HPCAL4: variants seen among roughly 807,000 people sequenced by gnomAD.
The protein encoded by HPCAL4 is hippocalcin like 4.
HPCAL4 carries 16 observed loss-of-function variants against 18.2 expected under a neutral mutation model. The observed-to-expected ratio is 0.88, with a 90% confidence interval of 0.59 to 1.33. The LOEUF is 1.33. Ranked by LOEUF, HPCAL4 falls within the 40% of genes most tolerant of loss-of-function variation. HPCAL4 has a pLI of 0.00. For synonymous variants in HPCAL4, 80 were observed against 97.5 expected, an observed-to-expected ratio of 0.82 and a Z score of 1.06; for missense variants, 214 against 256.6, an observed-to-expected ratio of 0.83 and a Z score of 1.14.
intron 2 of HPCAL4, 98 bp from the exon 3 acceptor site, chr1:39,684,250 CCCACCCCGGGTGCCTTGCCCCCG>C (rs1646654079): frequency 5.1e-6 from 6 of 1,167,226 alleles, no homozygotes; most frequent in South Asian, 2.8e-5. Flanking sequence ...CTCGCCTCCT[CCCACCCCGGGTGCCTTGCCCCCG>C]CCACCCCGGG....
intron 3 of HPCAL4, among the ~76,000 whole-genome samples, chr1:39,683,729 A>G (rs1311326396): frequency 1.3e-5 from 2 of 152,188 alleles, no homozygotes; most frequent in East Asian, 3.9e-4. Flanking sequence ...CTCCTCTGCC[A>G]AATGGGGTTT....
intron 3 of HPCAL4, 39 bp downstream of exon 3, chr1:39,683,898 G>GCTGGCCT (rs1646648924): frequency 6.4e-7 from 1 of 1,573,156 alleles, no homozygotes; most frequent in Non-Finnish European, 8.7e-7. Flanking sequence ...ATGGCGAAGC[G>GCTGGCCT]CTGGCCTCGG....
At chr1:39,686,316 A>C (rs1160004059) in intron 1 of HPCAL4, among the ~76,000 whole-genome samples, 1 of 152,148 alleles carries the variant, frequency 6.6e-6, no homozygotes, top group Non-Finnish European at 1.5e-5. Flanking sequence ...GCACCACTGT[A>C]CTACAGCCTG....
intron 1 of HPCAL4, among the ~76,000 whole-genome samples, chr1:39,684,862 C>T (rs1427708871): frequency 2.0e-5 from 3 of 152,200 alleles, no homozygotes. Context: ...CCACAGTCTT[C>T]ATCCTCTCCC....
chr1:39,687,332 A>G (rs1020166759), intron 1 of HPCAL4, among the ~76,000 whole-genome samples: 1 of 152,220 alleles, frequency 6.6e-6, no homozygotes, highest in African/African-American at 2.4e-5. Context: ...AAGGACTCTC[A>G]AGGCTCAGGG....
At position 39,682,482 on chromosome 1, in the gene HPCAL4, G is replaced by A. The variant is rs916495015; in HGVS notation, c.*54C>T. ...GGGAGGCCAGCCAGAGAGGTCATCA[G>A]GTTGGGAGGTGGCCATGCCCCTTCT... On this transcript the variant is annotated 3_prime_UTR_variant, in exon 4 of 4. Coordinates refer to ENST00000372844, the MANE Select transcript of HPCAL4 (RefSeq NM_016257.4). 1.9e-6 allele frequency: 3 copies of A among 1,571,900 alleles called. No individual in the cohort carries two copies. The African/African-American group carries it at 4.0e-5, about 21-fold the overall frequency.
intron 1 of HPCAL4, among the ~76,000 whole-genome samples, chr1:39,687,667 T>C (rs1646685977): frequency 6.6e-6 from 1 of 152,196 alleles, no homozygotes; most frequent in Non-Finnish European, 1.5e-5. Flanking sequence ...TCCTCCTTTA[T>C]TTCTCCTCAT....
chr1:39,682,481 A>G lies in HPCAL4; in HGVS notation c.*55T>C, dbSNP rs1385477675. 5 of 1,558,404 alleles carry G rather than the reference A, an allele frequency of 3.2e-6. No homozygotes were observed. Among genetic ancestry groups the G allele is most frequent in the Non-Finnish European group, 4.4e-6 (5 of 1,131,704 alleles). On this transcript the variant is annotated 3_prime_UTR_variant, in exon 4 of 4. Coordinates refer to ENST00000372844, the MANE Select transcript of HPCAL4 (RefSeq NM_016257.4). ...TGGGAGGCCAGCCAGAGAGGTCATCAGGTTGGGAGGTGGCCATGCCCCTTC... is the reference window on the plus strand; with the variant it reads ...TGGGAGGCCAGCCAGAGAGGTCATCGGGTTGGGAGGTGGCCATGCCCCTTC...
In HPCAL4 at chr1:39,679,470, T is replaced by C. The variant is rs1476076453; in HGVS notation, c.*3066A>G. The C allele has an allele frequency of 6.6e-6, 1 of 152,256 alleles. No homozygotes were observed. The highest frequency in any genetic ancestry group is 2.4e-5 in the African/African-American group (1 of 41,476). The allele number at this position is 152,256 out of a possible 1,614,324, so 9.4% of individuals were successfully genotyped here. On this transcript the variant is annotated 3_prime_UTR_variant, in exon 4 of 4. Coordinates refer to ENST00000372844, the MANE Select transcript of HPCAL4 (RefSeq NM_016257.4). ...CAAAAGGATGAATGAGGGTAGAGTA[T>C]GTGAGAAGGCAGATTCTGGGACCTT... is the stretch of plus-strand genomic sequence containing the variant.
In HPCAL4 at chr1:39,680,804, C is replaced by A. The variant is rs1171230301; in HGVS notation, c.*1732G>T. ...CCAAGGGCCCAGTAGAGCTTGGGAC[C>A]AAGCTCTATTGATCAGCATCCCCCA... On this transcript the variant is annotated 3_prime_UTR_variant, in exon 4 of 4. Transcript: ENST00000372844. The A allele has an allele frequency of 6.6e-6, 1 of 152,402 alleles. No individual in the cohort carries two copies. The highest frequency in any genetic ancestry group is 1.5e-5 in the Non-Finnish European group (1 of 68,032). 9.4% of individuals were successfully genotyped at this position (152,402 alleles called of 1,614,324 possible). A position where few individuals can be genotyped will look rare whatever the true frequency, so the allele number is the denominator to read the frequency against.
At chr1:39,688,505 C>T (rs563566191) in intron 1 of HPCAL4, among the ~76,000 whole-genome samples, 1 of 152,302 alleles carries the variant, frequency 6.6e-6, no homozygotes, top group East Asian at 1.9e-4. Context: ...GGGCTGAAAT[C>T]AAGCTATGCT....
chr1:39,688,401 C>T (rs757077796), intron 1 of HPCAL4, among the ~76,000 whole-genome samples: 39 of 152,180 alleles, frequency 2.6e-4, no homozygotes, highest in Admixed American at 4.6e-4. Flanking sequence ...CTTCCCTTTG[C>T]CCTAGGTCTA....
intron 1 of HPCAL4, among the ~76,000 whole-genome samples, chr1:39,688,164 C>G (rs1433415015): frequency 2.6e-5 from 4 of 152,140 alleles, no homozygotes; most frequent in Non-Finnish European, 5.9e-5. Flanking sequence ...CTGGGAAAAT[C>G]AGAGCTCTGA....
intron 3 of HPCAL4, 44 bp downstream of exon 3, chr1:39,683,893 G>C: frequency 6.4e-7 from 1 of 1,561,928 alleles, no homozygotes; most frequent in Non-Finnish European, 8.8e-7. Context: ...CGGGGATGGC[G>C]AAGCGCTGGC....
chr1:39,683,137 C>G (rs784632), intron 3 of HPCAL4, among the ~76,000 whole-genome samples: 135,903 of 152,212 alleles, frequency 0.89, 60,949 homozygotes, highest in East Asian at 1. Flanking sequence ...ACCGGCCTCA[C>G]CCTCCCAAAG....
At position 39,687,871 on chromosome 1, in the gene HPCAL4, C is replaced by T. The variant is rs1416472870; in HGVS notation, c.-8-3260G>A. Among the ~76,000 whole-genome samples, 6 of 151,288 alleles carry T rather than the reference C, an allele frequency of 4.0e-5. No homozygotes were observed. The East Asian group carries it at 1.2e-3, about 29-fold the overall frequency. ...TGAGCCGTGATTGAGCCACTGCACT[C>T]GAGCCTGGGCAACAGAGCAAGACCC... is the stretch of plus-strand genomic sequence containing the variant. On this transcript the variant is annotated intron_variant, in intron 1 of 3. Transcript: ENST00000372844.
rs78972547 is a variant in HPCAL4 at position 39,683,550 on chromosome 1, C to A, written c.378+387G>T. Among the ~76,000 whole-genome samples the A allele has an allele frequency of 3.6e-3, 553 of 152,338 alleles. 4 individuals are homozygous for A. Among genetic ancestry groups the A allele is most frequent in the African/African-American group, 0.013 (532 of 41,580 alleles). ...TTCCTCATAGCACCTACGGCCTGAC[C>A]CCGCATGTCTTCATTCATTTATTTT... On this transcript the variant is annotated intron_variant, in intron 3 of 3. Coordinates refer to ENST00000372844, the MANE Select transcript of HPCAL4 (RefSeq NM_016257.4).
intron 2 of HPCAL4, 61 bp downstream of exon 2, chr1:39,684,381 G>A (rs899450097): frequency 2.0e-6 from 3 of 1,515,962 alleles, no homozygotes; most frequent in East Asian, 4.6e-5. Flanking sequence ...CCTCACCCCC[G>A]GTTCCTCGCC....
At chr1:39,687,305 C>A (rs924470877) in intron 1 of HPCAL4, among the ~76,000 whole-genome samples, 1 of 152,210 alleles carries the variant, frequency 6.6e-6, no homozygotes, top group African/African-American at 2.4e-5. Flanking sequence ...GCAGGCCTCA[C>A]CCCTCTCCCA....
Sources: gnomAD v4.1 joint callset for allele counts (sites outside exome capture counted in the v4.1 genomes callset) on GRCh38, gnomAD v4.1.1 for gene constraint, MANE v1.5 for transcripts, NCBI Gene and HGNC (gene_info 2026-07-23, HGNC 2026-07-21) for gene names.